MOB3B: variants seen among roughly 807,000 people sequenced by gnomAD.
MOB3B encodes MOB kinase activator 3B.
MOB3B carries 7 observed loss-of-function variants against 18.7 expected under a neutral mutation model. The ratio of observed to expected loss-of-function variants is 0.37; its 90% CI spans 0.21 to 0.70. The LOEUF is 0.70. Among genes scored for constraint, MOB3B ranks in the 30% least tolerant of loss-of-function variants. The pLI is 0.52. For missense variants in MOB3B, 253 were observed against 281.3 expected (o/e 0.90, Z 0.72); for synonymous variants, 111 against 99.9 (o/e 1.11, Z -0.66).
At chr9:27,409,801 C>A (rs1268778344) in intron 2 of MOB3B, among the ~76,000 whole-genome samples, 2 of 151,946 alleles carry the variant, frequency 1.3e-5, no homozygotes, top group Non-Finnish European at 2.9e-5. Flanking sequence ...AAACATTATG[C>A]TAGGTGATAT....
At chr9:27,443,410 T>C (rs1822624900) in intron 2 of MOB3B, among the ~76,000 whole-genome samples, 1 of 152,226 alleles carries the variant, frequency 6.6e-6, no homozygotes, top group African/African-American at 2.4e-5. Flanking sequence ...ACACTGAAAG[T>C]AACAAGTTTT....
At chr9:27,376,820 A>T (rs1821496239) in intron 2 of MOB3B, among the ~76,000 whole-genome samples, 1 of 152,240 alleles carries the variant, frequency 6.6e-6, no homozygotes, top group Non-Finnish European at 1.5e-5. Context: ...ACAAGGGTCC[A>T]GCAATCTGTG....
chr9:27,399,972 A>G (rs1209956703), intron 2 of MOB3B, among the ~76,000 whole-genome samples: 2 of 152,130 alleles, frequency 1.3e-5, no homozygotes, highest in Admixed American at 6.5e-5. Flanking sequence ...TGTAATCTCA[A>G]GCCCAACTGC....
intron 2 of MOB3B, among the ~76,000 whole-genome samples, chr9:27,375,201 G>T (rs1195057329): frequency 6.6e-6 from 1 of 152,230 alleles, no homozygotes; most frequent in Non-Finnish European, 1.5e-5. Context: ...TAGTAACACT[G>T]TCTTTGAGTA....
intron 1 of MOB3B, among the ~76,000 whole-genome samples, chr9:27,518,886 G>T (rs192042116): frequency 3.0e-4 from 46 of 152,328 alleles, no homozygotes; most frequent in African/African-American, 1.1e-3. Flanking sequence ...CATTTACTGT[G>T]TAAGAAGTGC....
At chr9:27,366,617 T>C (rs1050227471) in intron 2 of MOB3B, among the ~76,000 whole-genome samples, 2 of 152,222 alleles carry the variant, frequency 1.3e-5, no homozygotes, top group Non-Finnish European at 2.9e-5. Flanking sequence ...GGGATGTGTG[T>C]TCTGAGCTGG....
chr9:27,431,660 C>T (rs1815524341), intron 2 of MOB3B, among the ~76,000 whole-genome samples: 1 of 152,212 alleles, frequency 6.6e-6, no homozygotes, highest in Admixed American at 6.5e-5. Context: ...AGGTCCCCTT[C>T]CAGTCTGCTT....
chr9:27,513,467 G>C (rs556618218), intron 1 of MOB3B, among the ~76,000 whole-genome samples: 4 of 152,232 alleles, frequency 2.6e-5, no homozygotes, highest in African/African-American at 7.2e-5. Flanking sequence ...CGTTTTAACT[G>C]GTCTTAGAAT....
intron 3 of MOB3B, chr9:27,358,763 G>C: frequency 3.1e-6 from 2 of 648,162 alleles, no homozygotes; most frequent in South Asian, 2.8e-5. Context: ...CTTTGGAATT[G>C]AAAGTTAAAG....
intron 2 of MOB3B, among the ~76,000 whole-genome samples, chr9:27,400,824 T>C (rs1173384282): frequency 6.6e-6 from 1 of 152,226 alleles, no homozygotes; most frequent in Non-Finnish European, 1.5e-5. Flanking sequence ...CTTAGATGCT[T>C]TCTAGTCCTT....
At chr9:27,394,192 T>C (rs1490107891) in intron 2 of MOB3B, 1 of 152,168 alleles carries the variant, frequency 6.6e-6, no homozygotes, top group African/African-American at 2.4e-5. Context: ...TAATCACACA[T>C]GCCCTGCTGA....
At chr9:27,332,223 G>A (rs1288932004) in intron 3 of MOB3B, among the ~76,000 whole-genome samples, 3 of 152,112 alleles carry the variant, frequency 2.0e-5, no homozygotes, top group Non-Finnish European at 2.9e-5. Flanking sequence ...AGACTCCTGA[G>A]CTCAAGCATT....
At chr9:27,342,431 T>TCC (rs1233789116) in intron 3 of MOB3B, among the ~76,000 whole-genome samples, 1 of 149,954 alleles carries the variant, frequency 6.7e-6, no homozygotes, top group African/African-American at 2.5e-5. Flanking sequence ...TAAACCCCTC[T>TCC]CCCTCCCCCT....
At chr9:27,331,067 G>A (rs1820781624) in intron 3 of MOB3B, among the ~76,000 whole-genome samples, 1 of 152,052 alleles carries the variant, frequency 6.6e-6, no homozygotes, top group Non-Finnish European at 1.5e-5. Flanking sequence ...AAAGATTTAA[G>A]TTTCAATCAA....
At chr9:27,434,237 A>G (rs1222592230) in intron 2 of MOB3B, among the ~76,000 whole-genome samples, 4 of 152,110 alleles carry the variant, frequency 2.6e-5, no homozygotes, top group Non-Finnish European at 4.4e-5. Context: ...GTGTTGACCT[A>G]CAATATACTT....
At chr9:27,510,489 G>A (rs1563886554) in intron 1 of MOB3B, among the ~76,000 whole-genome samples, 1 of 152,268 alleles carries the variant, frequency 6.6e-6, no homozygotes, top group East Asian at 1.9e-4. Context: ...ATTAGTAAGT[G>A]TGATCTTTTT....
In MOB3B at chr9:27,411,701, G is replaced by A. The variant is rs532685629; in HGVS notation, c.418+43432C>T. Among the ~76,000 whole-genome samples the A allele has an allele frequency of 4.6e-5, 7 of 152,314 alleles. No homozygotes were observed. In the East Asian group the frequency reaches 1.4e-3, roughly 29 times the overall value. ...AAAATGGGAGAGATGAACAGGTGGAGCAGAGGGGATTTTTAGGGCAGTGAA... is the reference window on the plus strand; with the variant it reads ...AAAATGGGAGAGATGAACAGGTGGAACAGAGGGGATTTTTAGGGCAGTGAA... On this transcript the variant is annotated intron_variant, in intron 2 of 3. Coordinates refer to ENST00000262244, the MANE Select transcript of MOB3B (RefSeq NM_024761.5).
rs12351231 is a variant in MOB3B, at chr9:27,433,003, G to A, written c.418+22130C>T. ...AGATTCAGGAATACCCTTTTCTCTT[G>A]AGAATATTATCTTTTCTTTAAGAAA... On this transcript the variant is annotated intron_variant, in intron 2 of 3. Coordinates refer to ENST00000262244, the MANE Select transcript of MOB3B (RefSeq NM_024761.5). Among the ~76,000 whole-genome samples the A allele has an allele frequency of 2.9e-3, 445 of 151,996 alleles. 2 individuals carry two copies. Among genetic ancestry groups the A allele is most frequent in the African/African-American group, 1.0e-2 (414 of 41,488 alleles).
intron 3 of MOB3B, among the ~76,000 whole-genome samples, chr9:27,338,886 A>G (rs1045125052): frequency 2.0e-5 from 3 of 152,180 alleles, no homozygotes; most frequent in Admixed American, 2.0e-4. Context: ...ACTCCGGTGG[A>G]CAGGCAGGTA....
Sources: gnomAD v4.1 joint callset for allele counts (sites outside exome capture counted in the v4.1 genomes callset) on GRCh38, gnomAD v4.1.1 for gene constraint, MANE v1.5 for transcripts, NCBI Gene and HGNC (gene_info 2026-07-23, HGNC 2026-07-21) for gene names.